The following PLPP1 variants were observed in gnomAD, a reference collection of about 807,000 sequenced individuals.
PLPP1 encodes the protein phospholipid phosphatase 1.
A neutral mutation model predicts 31.2 loss-of-function variants in PLPP1; 24 were observed. The ratio of observed to expected loss-of-function variants is 0.77; its 90% CI spans 0.56 to 1.08. The LOEUF (loss-of-function observed/expected upper bound fraction) is 1.08. Among genes scored for constraint, PLPP1 ranks in the 50% least tolerant of loss-of-function variants. The pLI is 0.00. For synonymous variants in PLPP1, 146 were observed against 126.3 expected, an observed-to-expected ratio of 1.16 and a Z score of -1.05; for missense variants, 319 against 342.7, an observed-to-expected ratio of 0.93 and a Z score of 0.55.
intron 1 of PLPP1, among the ~76,000 whole-genome samples, chr5:55,523,419 T>C (rs569182223): frequency 2.0e-5 from 3 of 152,250 alleles, no homozygotes; most frequent in African/African-American, 7.2e-5. Context: ...TTAATCTGCA[T>C]TCAAAAGTTA....
At position 55,512,523 on chromosome 5, in the gene PLPP1, A is replaced by AG. The variant is rs1166587865; in HGVS notation, c.58+22048dup. 9.4e-4 allele frequency among the ~76,000 whole-genome samples: 17 copies of AG among 18,098 alleles called. 1 individual carries two copies. Among genetic ancestry groups the AG allele is most frequent in the African/African-American group, 2.4e-3 (16 of 6,798 alleles). 11.9% of individuals were successfully genotyped at this position (18,098 alleles called of 152,430 possible). A position where few individuals can be genotyped will look rare whatever the true frequency, so the allele number is the denominator to read the frequency against. On this transcript the variant is annotated intron_variant, in intron 1 of 5. Transcript: ENST00000307259. ...AAAGAAAAGAAAAGAAAAGAAAGAA[A>AG]GAAAGAAAGAAAGAAAGAAAGAAAG...
intron 4 of PLPP1, among the ~76,000 whole-genome samples, chr5:55,430,473 CAACTGAT>C (rs1477954533): frequency 6.6e-6 from 1 of 152,236 alleles, no homozygotes; most frequent in Non-Finnish European, 1.5e-5. Context: ...AAATCACACA[CAACTGAT>C]AACTTTACAG....
At chr5:55,524,650 A>C (rs1306381941) in intron 1 of PLPP1, among the ~76,000 whole-genome samples, 1 of 152,004 alleles carries the variant, frequency 6.6e-6, no homozygotes, top group East Asian at 1.9e-4. Flanking sequence ...TCTCTACTAA[A>C]AATACAAAAA....
In PLPP1 at chr5:55,491,703, C is replaced by A. The variant is rs551495549; in HGVS notation, c.59-16253G>T. On this transcript the variant is annotated intron_variant, in intron 1 of 5. Transcript: ENST00000307259. ...TGAAACCCCGTCTCTACTAACAACA[C>A]AAAAATTAGCCAGGCATGGTGGTAT... 4.6e-5 allele frequency among the ~76,000 whole-genome samples: 7 copies of A among 151,718 alleles called. No individual in the cohort carries two copies. The South Asian group carries it at 1.5e-3, about 32-fold the overall frequency.
chr5:55,426,637 G>C (rs1221862319), intron 4 of PLPP1, among the ~76,000 whole-genome samples: 2 of 151,122 alleles, frequency 1.3e-5, no homozygotes, highest in Non-Finnish European at 2.9e-5. Context: ...CAAACTCCTC[G>C]TCTCAAGTAA....
intron 1 of PLPP1, among the ~76,000 whole-genome samples, chr5:55,503,532 T>C (rs1753191023): frequency 6.6e-6 from 1 of 151,894 alleles, no homozygotes; most frequent in Non-Finnish European, 1.5e-5. Context: ...TCTCAGCACT[T>C]TGGGAGGCCG....
chr5:55,425,647 TA>T lies in PLPP1; in HGVS notation c.726+215del, dbSNP rs567850887. On this transcript the variant is annotated intron_variant, in intron 5 of 5. Coordinates refer to ENST00000307259, the MANE Select transcript of PLPP1 (RefSeq NM_003711.4). Reference sequence around the variant, plus strand: ...TATTTCTAGCCAGAGCCTTTCACAATAAAAATACTAAGATTTTACAAAACTA... The same window carrying T: ...TATTTCTAGCCAGAGCCTTTCACAATAAAATACTAAGATTTTACAAAACTA... The T allele has an allele frequency of 8.0e-5, 39 of 485,400 alleles. No homozygotes were observed. In the East Asian group the frequency reaches 1.2e-3, roughly 15 times the overall value. The allele number at this position is 485,400 out of a possible 1,614,324, so 30.1% of individuals were successfully genotyped here.
At chr5:55,463,930 C>T (rs1752227034) in intron 3 of PLPP1, among the ~76,000 whole-genome samples, 1 of 151,566 alleles carries the variant, frequency 6.6e-6, no homozygotes, top group Non-Finnish European at 1.5e-5. Context: ...AGAACTCTTA[C>T]AACTCAGACA....
intron 2 of PLPP1, among the ~76,000 whole-genome samples, chr5:55,474,002 T>TGTTTTTG (rs1456463091): frequency 1.2e-4 from 17 of 137,792 alleles, no homozygotes; most frequent in East Asian, 6.4e-4. Context: ...TTGTTGTTTT[T>TGTTTTTG]TTTTTTTTTT....
At chr5:55,438,539 A>C (rs1166901880) in intron 4 of PLPP1, among the ~76,000 whole-genome samples, 1 of 152,196 alleles carries the variant, frequency 6.6e-6, no homozygotes, top group Admixed American at 6.5e-5. Flanking sequence ...TGACTCATGA[A>C]GCCAAGGTGC....
At chr5:55,466,595 C>A (rs780034328) in intron 3 of PLPP1, among the ~76,000 whole-genome samples, 2 of 150,922 alleles carry the variant, frequency 1.3e-5, no homozygotes, top group Non-Finnish European at 3.0e-5. Context: ...CCCAGCTACT[C>A]GGGAGGCTGA....
At chr5:55,515,766 A>C (rs1753542936) in intron 1 of PLPP1, among the ~76,000 whole-genome samples, 1 of 152,000 alleles carries the variant, frequency 6.6e-6, no homozygotes, top group Non-Finnish European at 1.5e-5. Flanking sequence ...ACCAATCTGA[A>C]AAGTCAGTGT....
At chr5:55,430,339 A>C (rs1241315727) in intron 4 of PLPP1, among the ~76,000 whole-genome samples, 2 of 152,220 alleles carry the variant, frequency 1.3e-5, no homozygotes, top group African/African-American at 4.8e-5. Context: ...CCCAGGGCCC[A>C]AGGACAGGCA....
intron 1 of PLPP1, among the ~76,000 whole-genome samples, chr5:55,519,465 G>A (rs1401650738): frequency 6.6e-6 from 1 of 152,094 alleles, no homozygotes; most frequent in Non-Finnish European, 1.5e-5. Flanking sequence ...TAAGAAAAAA[G>A]TGGCCAGGCA....
At chr5:55,469,283 T>C (rs1449504373) in intron 2 of PLPP1, among the ~76,000 whole-genome samples, 1 of 151,496 alleles carries the variant, frequency 6.6e-6, no homozygotes, top group Admixed American at 6.6e-5. Flanking sequence ...AGGTCAGGAG[T>C]TCGAGACCAG....
chr5:55,499,807 T>C (rs1204214772), intron 1 of PLPP1, among the ~76,000 whole-genome samples: 2 of 152,084 alleles, frequency 1.3e-5, no homozygotes. Context: ...TACTTGCATA[T>C]ATACCTGAAA....
At chr5:55,493,228 T>A (rs1241526546) in intron 1 of PLPP1, among the ~76,000 whole-genome samples, 1 of 149,520 alleles carries the variant, frequency 6.7e-6, no homozygotes, top group Non-Finnish European at 1.5e-5. Flanking sequence ...GGCAGGAGGA[T>A]CCCTTGAGCC....
chr5:55,432,792 T>C lies in PLPP1; in HGVS notation c.550-6753A>G, dbSNP rs1199118844. Among the ~76,000 whole-genome samples the C allele has an allele frequency of 1.8e-4, 15 of 83,386 alleles. No individual in the cohort carries two copies. In the Admixed American group the frequency reaches 1.8e-3, roughly 10 times the overall value. The allele number at this position is 83,386 out of a possible 152,430, so 54.7% of individuals were successfully genotyped here. A position where few individuals can be genotyped will look rare whatever the true frequency, so the allele number is the denominator to read the frequency against. ...TCTTTTAATAACATTCAACATCCCT[T>C]CATGATTTAAAAAAAAAAAAAAACC... On this transcript the variant is annotated intron_variant, in intron 4 of 5. Transcript: ENST00000307259.
intron 1 of PLPP1, among the ~76,000 whole-genome samples, chr5:55,500,454 T>C (rs1369336766): frequency 1.3e-5 from 2 of 152,154 alleles, no homozygotes; most frequent in Non-Finnish European, 2.9e-5. Flanking sequence ...TAAGTAGTTA[T>C]CTTCAGAGAT....
Sources: gnomAD v4.1 joint callset for allele counts (sites outside exome capture counted in the v4.1 genomes callset) on GRCh38, gnomAD v4.1.1 for gene constraint, MANE v1.5 for transcripts, NCBI Gene and HGNC (gene_info 2026-07-23, HGNC 2026-07-21) for gene names.